Variants in TJP1 observed in about 807,000 individuals in gnomAD.
The protein encoded by TJP1 is tight junction protein ZO-1.
Under a neutral mutation model 194.2 loss-of-function variants are expected in TJP1, and 43 were observed. The ratio of observed to expected loss-of-function variants is 0.22; its 90% confidence interval spans 0.17 to 0.29. The LOEUF (loss-of-function observed/expected upper bound fraction) is 0.29, where lower values mean the gene tolerates loss of function less well. Among genes scored for constraint, TJP1 ranks in the 10% least tolerant of loss-of-function variants. The probability of loss-of-function intolerance (pLI) is 1.00; values close to 1 mark genes in which losing one functional copy is unlikely to be tolerated. For missense variants in TJP1, 1,971 were observed against 2,185.7 expected (o/e 0.90, Z 1.96); for synonymous variants, 801 against 779.0 (o/e 1.03, Z -0.47).
At chr15:29,884,960 C>T (rs1050012009) in intron 2 of TJP1, among the ~76,000 whole-genome samples, 2 of 152,202 alleles carry the variant, frequency 1.3e-5, no homozygotes, top group Admixed American at 6.5e-5. Flanking sequence ...TTACTATTCT[C>T]GTTCCCTAGC....
rs564878032 is a variant in TJP1 at position 29,934,419 on chromosome 15, T to A, written c.306+21813A>T. 2.0e-5 allele frequency among the ~76,000 whole-genome samples: 3 copies of A among 152,322 alleles called. No homozygotes were observed. In the South Asian group the frequency reaches 6.2e-4, roughly 32 times the overall value. ...TGTGATTCAACAAGGAATGTAATGA[T>A]TCACAGTATTGGCATTAAGTTTATA... On this transcript the variant is annotated intron_variant, in intron 2 of 28. Coordinates refer to the TJP1 transcript ENST00000356107.
At chr15:29,704,082 G>T (rs1269441906) in intron 27 of TJP1, 80 bp downstream of exon 27, 1 of 1,424,632 alleles carries the variant, frequency 7.0e-7, no homozygotes, top group Non-Finnish European at 9.6e-7. Context: ...CTAACACACA[G>T]CATGGGCAGC....
intron 2 of TJP1, among the ~76,000 whole-genome samples, chr15:29,833,881 A>ATATATATATATAT (rs1555434000): frequency 7.9e-5 from 1 of 12,616 alleles, no homozygotes; most frequent in Non-Finnish European, 1.4e-4. Flanking sequence ...ATATATATAT[A>ATATATATATATAT]TTTTTTTTTT....
chr15:29,816,693 G>A (rs2049949881), intron 1 of TJP1, among the ~76,000 whole-genome samples: 1 of 152,146 alleles, frequency 6.6e-6, no homozygotes, highest in East Asian at 1.9e-4. Context: ...ATCCCTATAT[G>A]TAATGACTGA....
chr15:29,898,567 T>G (rs548632907), intron 2 of TJP1, among the ~76,000 whole-genome samples: 3 of 152,356 alleles, frequency 2.0e-5, no homozygotes, highest in Non-Finnish European at 4.4e-5. Context: ...ATATAAAATC[T>G]ATTAGACAAA....
At chr15:29,784,693 T>C (rs1019873459) in intron 2 of TJP1, among the ~76,000 whole-genome samples, 17 of 152,138 alleles carry the variant, frequency 1.1e-4, no homozygotes, top group Admixed American at 4.6e-4. Flanking sequence ...AATATTGTCT[T>C]TATGATCTCA....
At chr15:29,821,752 G>A (rs1208968758) in intron 1 of TJP1, among the ~76,000 whole-genome samples, 3 of 151,296 alleles carry the variant, frequency 2.0e-5, no homozygotes, top group Non-Finnish European at 2.9e-5. Flanking sequence ...CTATGCACCT[G>A]CCCAGTACGG....
At chr15:29,951,011 C>A (rs1286940630) in intron 2 of TJP1, among the ~76,000 whole-genome samples, 1 of 152,096 alleles carries the variant, frequency 6.6e-6, no homozygotes, top group African/African-American at 2.4e-5. Flanking sequence ...GTGAGTGCCA[C>A]ACATAGAATC....
At chr15:29,880,909 T>C (rs1041546285) in intron 2 of TJP1, among the ~76,000 whole-genome samples, 4 of 152,180 alleles carry the variant, frequency 2.6e-5, no homozygotes, top group Non-Finnish European at 4.4e-5. Flanking sequence ...AACATGGGAG[T>C]GCAAATATCT....
At chr15:29,922,104 C>T (rs554417578) in intron 2 of TJP1, among the ~76,000 whole-genome samples, 2 of 152,200 alleles carry the variant, frequency 1.3e-5, no homozygotes, top group South Asian at 4.2e-4. Context: ...GCCCTAGGCT[C>T]CCAAAGTGTC....
intron 2 of TJP1, among the ~76,000 whole-genome samples, chr15:29,891,013 T>A (rs1324625700): frequency 6.6e-6 from 1 of 152,224 alleles, no homozygotes; most frequent in African/African-American, 2.4e-5. Context: ...GGTACCTTGG[T>A]GCAGGGCCCA....
intron 2 of TJP1, among the ~76,000 whole-genome samples, chr15:29,784,790 T>A (rs928559233): frequency 6.6e-6 from 1 of 152,172 alleles, no homozygotes; most frequent in African/African-American, 2.4e-5. Context: ...TATACTGTAC[T>A]TATTTATAAC....
intron 2 of TJP1, among the ~76,000 whole-genome samples, chr15:29,914,400 C>A (rs1596247622): frequency 6.6e-6 from 1 of 152,276 alleles, no homozygotes; most frequent in East Asian, 1.9e-4. Flanking sequence ...GCTGCACCCC[C>A]ACCTCAGGAA....
At position 29,806,373 on chromosome 15, in the gene TJP1, C is replaced by A. The variant is rs2049112117; in HGVS notation, c.28-5671G>T. Among the ~76,000 whole-genome samples, 3 of 152,250 alleles carry A rather than the reference C, an allele frequency of 2.0e-5. No individual in the cohort carries two copies. In the South Asian group the frequency reaches 6.2e-4, roughly 32 times the overall value. ...CAGAGAATACACCAAAGCTTAAGAT[C>A]CCTCAATTTTTTAGATCAATACACC... On this transcript the variant is annotated intron_variant, in intron 1 of 27. Transcript: ENST00000614355.
At chr15:29,865,957 G>C (rs565107397) in intron 2 of TJP1, among the ~76,000 whole-genome samples, 2 of 152,326 alleles carry the variant, frequency 1.3e-5, no homozygotes, top group East Asian at 3.9e-4. Flanking sequence ...AGCTATTTAA[G>C]AGAAGCTTTC....
intron 11 of TJP1, among the ~76,000 whole-genome samples, chr15:29,735,576 C>T (rs2043971652): frequency 7.5e-6 from 1 of 132,664 alleles, no homozygotes; most frequent in South Asian, 2.4e-4. Context: ...GACAGTGAGG[C>T]GCTGTCTCAA....
chr15:29,837,509 G>A (rs943632638), intron 2 of TJP1, among the ~76,000 whole-genome samples: 1 of 152,144 alleles, frequency 6.6e-6, no homozygotes, highest in Non-Finnish European at 1.5e-5. Context: ...GGTGAGCCAA[G>A]ATGGCGCCCT....
chr15:29,925,160 T>C (rs2054486756), intron 2 of TJP1, among the ~76,000 whole-genome samples: 1 of 152,242 alleles, frequency 6.6e-6, no homozygotes, highest in Admixed American at 6.5e-5. Context: ...AAAGCGTGAT[T>C]CAGAGGGGCA....
chr15:29,757,503 T>A (rs1328661089), intron 8 of TJP1, among the ~76,000 whole-genome samples: 1 of 152,222 alleles, frequency 6.6e-6, no homozygotes, highest in African/African-American at 2.4e-5. Context: ...TCTTATAATG[T>A]ATCTAAGTTG....
Sources: allele counts gnomAD v4.1 joint callset (sites outside exome capture counted in the v4.1 genomes callset), GRCh38; gene constraint gnomAD v4.1.1; transcripts MANE v1.5; gene names NCBI Gene and HGNC (gene_info 2026-07-23, HGNC 2026-07-21).